The following BCAM variants were observed in gnomAD, a reference collection of about 807,000 sequenced individuals.
The protein encoded by BCAM is basal cell adhesion molecule (Lutheran blood group), also known as basal cell adhesion molecule.
BCAM carries 61 observed loss-of-function variants against 72.4 expected under a neutral mutation model. The observed-to-expected ratio is 0.84, with a 90% CI of 0.69 to 1.04. The LOEUF is 1.04. BCAM is among the 50% of genes least tolerant of loss of function. BCAM has a pLI of 0.00. For missense variants in BCAM, 909 were observed against 895.0 expected (o/e 1.02, Z -0.20); for synonymous variants, 408 against 384.2 (o/e 1.06, Z -0.73).
chr19:44,817,839 C>T (rs919474723), intron 8 of BCAM, among the ~76,000 whole-genome samples: 12 of 152,140 alleles, frequency 7.9e-5, no homozygotes, highest in Admixed American at 7.2e-4. Context: ...CCACCGTGCC[C>T]GGCCTGACCA....
rs1288061631 is a variant in BCAM, at chr19:44,813,875, C to G, written c.784+255C>G. The stretch of plus-strand genomic sequence containing the variant: ...ATGACTAAATGGTGCTTTCCACCTT[C>G]TCACACTGAATTGGGTCCCCCCATG... On this transcript the variant is annotated intron_variant, in intron 6 of 14. Transcript: ENST00000270233. This position sits in a 1 kb window ranked among gnomAD's most constrained non-coding sequence, Gnocchi z 4.2. 1.3e-5 allele frequency among the ~76,000 whole-genome samples: 2 copies of G among 152,198 alleles called. No individual in the cohort carries two copies. Among genetic ancestry groups the G allele is most frequent in the Non-Finnish European group, 2.9e-5 (2 of 68,040 alleles).
chr19:44,819,745 G>A lies in BCAM; in HGVS notation c.1763+19G>A, dbSNP rs1195783149. 6.3e-7 allele frequency: 1 copy of A among 1,581,706 alleles called. No homozygotes were observed. ...GGGCTCCGTGAGTGGCCTGCTATCT[G>A]CAATGACCACCATAGCTTAACCCCA... is the stretch of plus-strand genomic sequence containing the variant. On this transcript the variant is annotated intron_variant, in intron 13 of 14. Coordinates refer to ENST00000270233, the MANE Select transcript of BCAM (RefSeq NM_005581.5).
intron 1 of BCAM, among the ~76,000 whole-genome samples, chr19:44,810,753 G>A (rs147224039): frequency 2.6e-5 from 4 of 152,346 alleles, no homozygotes; most frequent in South Asian, 2.1e-4. Flanking sequence ...GCAAAGGCTG[G>A]TGCAGTATTA....
intron 1 of BCAM, 101 bp downstream of exon 1, chr19:44,809,307 T>G: frequency 9.7e-7 from 1 of 1,029,050 alleles, no homozygotes; most frequent in East Asian, 3.3e-5. Flanking sequence ...GGAAGCAAAA[T>G]GTGGGGACCC....
chr19:44,811,259 G>C lies in BCAM; in HGVS notation c.117G>C (p.Pro39=). ...AQAEVRLSVP[P]LVEVMRGKSV... ...CGGAGGTGCGCTTGTCTGTACCCCC[G>C]CTGGTGGAGGTGATGCGAGGAAAGT... Residue 39 remains proline, a synonymous_variant, in exon 2 of 15, where the codon CCG becomes CCC. Transcript: ENST00000270233. 1 of 1,612,870 alleles carries C rather than the reference G, an allele frequency of 6.2e-7. No individual in the cohort carries two copies. Among genetic ancestry groups the C allele is most frequent in the Non-Finnish European group, 8.5e-7 (1 of 1,179,922 alleles).
In BCAM at chr19:44,814,481, C is replaced by G; in HGVS notation, c.922-123C>G. The G allele has an allele frequency of 7.0e-7, 1 of 1,425,930 alleles. No individual in the cohort carries two copies. The highest frequency in any genetic ancestry group is 9.4e-7 in the Non-Finnish European group (1 of 1,062,390). The allele number at this position is 1,425,930 out of a possible 1,614,324, so 88.3% of individuals were successfully genotyped here. On this transcript the variant is annotated intron_variant, in intron 7 of 14. Transcript: ENST00000270233. The surrounding 1 kb of genome is among the most constrained non-coding windows in gnomAD (Gnocchi z 4.6). ...AGTCAGGACTTAGCATGCCACCTGACTTGATGGCCCCTGACCCCTGATTCT... is the reference window on the plus strand; with the variant it reads ...AGTCAGGACTTAGCATGCCACCTGAGTTGATGGCCCCTGACCCCTGATTCT...
rs757677631 is a variant in BCAM at position 44,818,842 on chromosome 19, G to C, written c.1296G>C (p.Pro432=). ...YVCEASLPTV[P]VLSRTQNFTL... ...GTGAGGCCTCCCTGCCCACAGTCCC[G>C]GTCCTCAGCCGCACCCAGAACTTCA... Residue 432 remains proline, a synonymous_variant, in exon 10 of 15, where the codon CCG becomes CCC. Transcript: ENST00000270233. This position sits in a 1 kb window ranked among gnomAD's most constrained non-coding sequence, Gnocchi z 4.6. 1.9e-5 allele frequency: 31 copies of C among 1,613,926 alleles called. No individual in the cohort carries two copies. The highest frequency in any genetic ancestry group is 2.6e-5 in the Non-Finnish European group (31 of 1,179,998).
At chr19:44,819,897 C>T (rs1968560801) in intron 13 of BCAM, 171 bp downstream of exon 13, 1 of 1,406,926 alleles carries the variant, frequency 7.1e-7, no homozygotes, top group African/African-American at 1.5e-5. Flanking sequence ...AAACCCAGCC[C>T]CAGACTAATC....
chr19:44,809,087 G>A (rs778914673), upstream of BCAM: 15 of 1,347,550 alleles, frequency 1.1e-5, no homozygotes, highest in South Asian at 2.5e-4. Context: ...CAGCGGCCGA[G>A]CTGCAGCCCG....
At chr19:44,811,165 C>T in intron 1 of BCAM, 60 bp from the exon 2 acceptor site, 1 of 1,607,738 alleles carries the variant, frequency 6.2e-7, no homozygotes, top group Non-Finnish European at 8.5e-7. Context: ...GAGAGGGGAC[C>T]CTGTCTGGAG....
rs752180392 is a variant in BCAM, at chr19:44,814,247, G to C, written c.880G>C (p.Asp294His). ...CACTGTCCAGCTGCTCTGCCGGGGG[G>C]ACGGCAGCCCCAGCCCGGAGTATAC... ...GDTVQLLCRG[D>H]GSPSPEYTLF... Residue 294 changes from aspartate (D) to histidine (H), a missense_variant, in exon 7 of 15, where the codon GAC becomes CAC. Physicochemically the swap from Asp to His is moderately conservative, Grantham distance 81 (BLOSUM62 -1). Coordinates refer to ENST00000270233, the MANE Select transcript of BCAM (RefSeq NM_005581.5). This position sits in a 1 kb window ranked among gnomAD's most constrained non-coding sequence, Gnocchi z 4.6. The C allele has an allele frequency of 1.3e-6, 2 of 1,590,798 alleles. No individual in the cohort carries two copies.
Position 44,811,215 on chromosome 19 carries a change from T to C in BCAM, c.83-10T>C, listed in dbSNP as rs774370305. On this transcript the variant is annotated splice_polypyrimidine_tract_variant and intron_variant, in intron 1 of 14. Coordinates refer to ENST00000270233, the MANE Select transcript of BCAM (RefSeq NM_005581.5). ...GTGTGGTGGATGATAGCTCAGTTGC[T>C]CTCTTGCAGATGCCCAGGCGGAGGT... 18 of 1,611,628 alleles carry C rather than the reference T, an allele frequency of 1.1e-5. No homozygotes were observed. In the East Asian group the frequency reaches 3.3e-4, roughly 30 times the overall value.
Position 44,812,374 on chromosome 19 carries a change from C to T in BCAM, c.416C>T (p.Ala139Val), listed in dbSNP as rs765568985. ...GCGGCAGGCACTGCTGAGGCCACTG[C>T]GCGGCTCAACGTGTTTGGTAAGTGT... ...AGAAGTAEAT[A>V]RLNVFAKPEA... The change falls in exon 3 of 15, where the codon GCG (alanine) becomes GTG (valine). Residue 139 changes from alanine (A) to valine (V), a missense_variant. Physicochemically the swap from Ala to Val is moderately conservative, Grantham distance 64. Transcript: ENST00000270233. This position sits in a 1 kb window ranked among gnomAD's most constrained non-coding sequence, Gnocchi z 5.3. The T allele has an allele frequency of 9.9e-6, 16 of 1,613,820 alleles. No individual in the cohort carries two copies. Among genetic ancestry groups the T allele is most frequent in the African/African-American group, 4.0e-5 (3 of 74,934 alleles).
chr19:44,820,565 T>A, intron 13 of BCAM, 140 bp from the exon 14 acceptor site: 13 of 1,237,848 alleles, frequency 1.1e-5, no homozygotes, highest in East Asian at 7.2e-5. Context: ...CCCATCCCTA[T>A]GCCATCCCCA....
Position 44,812,424 on chromosome 19 carries a change from CAGGCAGGGAGGGGCGCA to C in BCAM, c.433+34_434-37del, listed in dbSNP as rs1171783602. The C allele has an allele frequency of 1.9e-6, 3 of 1,614,088 alleles. No individual in the cohort carries two copies. The South Asian group carries it at 3.3e-5, about 18-fold the overall frequency. On this transcript the variant is annotated intron_variant, in intron 3 of 14. Transcript: ENST00000270233. This position sits in a 1 kb window ranked among gnomAD's most constrained non-coding sequence, Gnocchi z 5.3. The stretch of plus-strand genomic sequence containing the variant: ...TCCTCGGGCATCCCCCGAAGGGAGG[CAGGCAGGGAGGGGCGCA>C]GGGCAGGGGCTCCTGACGTGAACGT...
At chr19:44,816,914 G>A (rs1386627781) in intron 8 of BCAM, among the ~76,000 whole-genome samples, 1 of 151,518 alleles carries the variant, frequency 6.6e-6, no homozygotes, top group Non-Finnish European at 1.5e-5. Context: ...ACTCCAGCCT[G>A]GGTGACAGAG....
rs1599881986 is a variant in BCAM at position 44,809,119 on chromosome 19, G to A, written c.-6G>A. ...CCCGGGCTCAGTCTCCGCCGCCGCC[G>A]TGAACATGGAGCCCCCGGACGCACC... is the stretch of plus-strand genomic sequence containing the variant. On this transcript the variant is annotated 5_prime_UTR_variant, in exon 1 of 15. In the 5' UTR this introduces an upstream ATG that the reference lacks. Coordinates refer to ENST00000270233, the MANE Select transcript of BCAM (RefSeq NM_005581.5). 3 of 1,438,706 alleles carry A rather than the reference G, an allele frequency of 2.1e-6. No individual in the cohort carries two copies. The highest frequency in any genetic ancestry group is 3.1e-5 in the East Asian group (1 of 32,772). 89.1% of individuals were successfully genotyped at this position (1,438,706 alleles called of 1,614,324 possible).
chr19:44,814,146 C>T lies in BCAM; in HGVS notation c.785-6C>T, dbSNP rs760226334. The T allele has an allele frequency of 3.1e-5, 49 of 1,579,868 alleles. 2 individuals carry two copies. In the Middle Eastern group the frequency reaches 6.7e-3, roughly 216 times the overall value. ...CACAATTCCCATCTCCCTGCCCTTCCCTTAGATCCCACGGAGCACGTGCAG... is the reference window on the plus strand; with the variant it reads ...CACAATTCCCATCTCCCTGCCCTTCTCTTAGATCCCACGGAGCACGTGCAG... On this transcript the variant is annotated splice_polypyrimidine_tract_variant and splice_region_variant and intron_variant, in intron 6 of 14. Coordinates refer to ENST00000270233, the MANE Select transcript of BCAM (RefSeq NM_005581.5). The surrounding 1 kb of genome is among the most constrained non-coding windows in gnomAD (Gnocchi z 4.6).
chr19:44,810,764 C>T (rs907358531), intron 1 of BCAM, among the ~76,000 whole-genome samples: 1 of 152,186 alleles, frequency 6.6e-6, no homozygotes, highest in Admixed American at 6.5e-5. Context: ...TGCAGTATTA[C>T]CCCAGGAGTG....
Sources: allele counts gnomAD v4.1 joint callset (sites outside exome capture counted in the v4.1 genomes callset), GRCh38; gene constraint gnomAD v4.1.1; non-coding constraint Gnocchi (gnomAD v3.1); transcripts MANE v1.5; gene names NCBI Gene and HGNC (gene_info 2026-07-23, HGNC 2026-07-21).